Variants in ARID1B observed in about 807,000 individuals in gnomAD.
ARID1B encodes the protein AT-rich interactive domain-containing protein 1B.
In ARID1B, 30 loss-of-function variants were observed where a neutral mutation model predicts 212.3. That is an observed-to-expected ratio of 0.14 (90% CI 0.11 to 0.19). ARID1B has a LOEUF of 0.19. Among genes scored for constraint, ARID1B ranks in the 10% least tolerant of loss-of-function variants. The pLI is 1.00. For missense variants in ARID1B, 2,891 were observed against 3,204.0 expected (o/e 0.90, Z 2.36); for synonymous variants, 1,402 against 1,301.7 (o/e 1.08, Z -1.66).
intron 8 of ARID1B, among the ~76,000 whole-genome samples, chr6:157,159,607 GT>G (rs1160709815): frequency 1.3e-5 from 2 of 152,196 alleles, no homozygotes; most frequent in Non-Finnish European, 2.9e-5. Context: ...AGGGAAAAAC[GT>G]TTCTGATGTT....
At chr6:156,935,629 A>G in intron 4 of ARID1B, 53 bp downstream of exon 4, 1 of 1,450,570 alleles carries the variant, frequency 6.9e-7, no homozygotes, top group Non-Finnish European at 9.6e-7. Context: ...GACTTTTAGA[A>G]AGAGCTGTTG....
In ARID1B at chr6:157,206,972, G is replaced by A. The variant is rs917324402; in HGVS notation, c.6200G>A (p.Arg2067Gln). 9.9e-6 allele frequency: 16 copies of A among 1,614,120 alleles called. No individual in the cohort carries two copies. The highest frequency in any genetic ancestry group is 2.2e-5 in the East Asian group (1 of 44,892). Reference protein sequence around the residue: ...IAHWQDSLAKRCICVSNIVRS... With the variant: ...IAHWQDSLAKQCICVSNIVRS... Reference sequence around the variant, plus strand: ...CACTGGCAGGACTCGCTGGCTAAGCGATGCATCTGTGTGTCCAATATTGTC... The same window carrying A: ...CACTGGCAGGACTCGCTGGCTAAGCAATGCATCTGTGTGTCCAATATTGTC... The change falls in exon 20 of 20, where the codon CGA (arginine) becomes CAA (glutamine). Residue 2067 changes from arginine to glutamine, a missense_variant. Coordinates refer to ENST00000636930, the MANE Select transcript of ARID1B (RefSeq NM_001374828.1). This position sits in a 1 kb window ranked among gnomAD's most constrained non-coding sequence, Gnocchi z 6.8.
intron 4 of ARID1B, among the ~76,000 whole-genome samples, chr6:157,004,914 T>C (rs910758214): frequency 3.9e-4 from 46 of 119,092 alleles, no homozygotes; most frequent in South Asian, 2.8e-4. Flanking sequence ...TTTTTTTTTT[T>C]TTTTTTTTTT....
intron 15 of ARID1B, chr6:157,195,512 T>C (rs979635401): frequency 1.3e-5 from 2 of 152,234 alleles, no homozygotes; most frequent in African/African-American, 2.4e-5. Context: ...CTGTTTAAAC[T>C]CACAATCGGC....
chr6:156,818,730 C>T (rs1248566163), intron 1 of ARID1B, among the ~76,000 whole-genome samples: 2 of 152,094 alleles, frequency 1.3e-5, no homozygotes, highest in Non-Finnish European at 2.9e-5. Context: ...TTACTTTTTG[C>T]TTGTGCAAAT....
At chr6:156,828,343 C>T (rs985607864) in intron 1 of ARID1B, among the ~76,000 whole-genome samples, 5 of 152,110 alleles carry the variant, frequency 3.3e-5, no homozygotes, top group Admixed American at 6.5e-5. Context: ...TCAGTGTGAA[C>T]GCAGCATCTG....
chr6:157,177,150 T>A (rs1273446000), intron 11 of ARID1B, among the ~76,000 whole-genome samples: 1 of 152,248 alleles, frequency 6.6e-6, no homozygotes, highest in Non-Finnish European at 1.5e-5. Flanking sequence ...GATCTCTTCC[T>A]GTACCATAAA....
intron 1 of ARID1B, among the ~76,000 whole-genome samples, chr6:156,783,114 C>T (rs1005175938): frequency 1.3e-5 from 2 of 151,894 alleles, no homozygotes; most frequent in African/African-American, 4.8e-5. Flanking sequence ...ACCTTAACCC[C>T]TCTTTGCTTT....
chr6:156,815,194 A>G (rs1317241098), intron 1 of ARID1B, among the ~76,000 whole-genome samples: 1 of 152,200 alleles, frequency 6.6e-6, no homozygotes, highest in Non-Finnish European at 1.5e-5. Context: ...GTAGCATGCC[A>G]CTGTAAGATA....
At chr6:156,804,786 C>A (rs563307235) in intron 1 of ARID1B, among the ~76,000 whole-genome samples, 1 of 137,384 alleles carries the variant, frequency 7.3e-6, no homozygotes, top group East Asian at 2.3e-4. Context: ...ATCAACGTAT[C>A]ATGAAAAGAT....
intron 4 of ARID1B, among the ~76,000 whole-genome samples, chr6:157,075,555 G>A (rs1289150289): frequency 6.6e-6 from 1 of 152,174 alleles, no homozygotes; most frequent in Non-Finnish European, 1.5e-5. Flanking sequence ...AGTGTGGGCT[G>A]GACTTAGTGA....
chr6:157,152,844 G>A (rs1474189427), intron 8 of ARID1B, among the ~76,000 whole-genome samples: 1 of 152,176 alleles, frequency 6.6e-6, no homozygotes, highest in East Asian at 1.9e-4. Flanking sequence ...TTTCTCTTTG[G>A]GAGAGGAAGA....
chr6:157,063,848 C>T (rs1045093573), intron 4 of ARID1B, among the ~76,000 whole-genome samples: 7 of 152,190 alleles, frequency 4.6e-5, no homozygotes, highest in African/African-American at 1.7e-4. Context: ...ATCTGGTTCT[C>T]TGTTTTACAA....
intron 7 of ARID1B, 107 bp downstream of exon 7, chr6:157,133,314 ATCTGTT>A: frequency 7.9e-7 from 1 of 1,265,186 alleles, no homozygotes; most frequent in African/African-American, 1.5e-5. Context: ...AAGATCCATT[ATCTGTT>A]ACCTGACAGG....
chr6:156,952,630 T>C (rs1425325807), intron 4 of ARID1B, among the ~76,000 whole-genome samples: 1 of 152,208 alleles, frequency 6.6e-6, no homozygotes, highest in East Asian at 1.9e-4. Flanking sequence ...CCAGCCCTTG[T>C]TGGACTCCAC....
intron 2 of ARID1B, among the ~76,000 whole-genome samples, chr6:156,863,798 T>A (rs1040215964): frequency 2.0e-5 from 3 of 152,186 alleles, no homozygotes; most frequent in Non-Finnish European, 4.4e-5. Context: ...GAAAGATGAA[T>A]TCTTCCCTGT....
chr6:156,814,850 G>T (rs748133051), intron 1 of ARID1B, among the ~76,000 whole-genome samples: 1 of 151,908 alleles, frequency 6.6e-6, no homozygotes, highest in Non-Finnish European at 1.5e-5. Flanking sequence ...TTCATCCCTT[G>T]TTCTGTACTC....
At chr6:157,144,797 C>A (rs1789608344) in intron 7 of ARID1B, among the ~76,000 whole-genome samples, 1 of 152,004 alleles carries the variant, frequency 6.6e-6, no homozygotes, top group Non-Finnish European at 1.5e-5. Context: ...TATGTGTGTC[C>A]CGTGGGATGG....
chr6:156,902,322 C>T (rs977290252), intron 3 of ARID1B, among the ~76,000 whole-genome samples: 1 of 152,110 alleles, frequency 6.6e-6, no homozygotes, highest in South Asian at 2.1e-4. Context: ...TATAATTTTC[C>T]ATTTTAATAC....
Sources: gnomAD v4.1 joint callset for allele counts (sites outside exome capture counted in the v4.1 genomes callset) on GRCh38, gnomAD v4.1.1 for gene constraint, Gnocchi (gnomAD v3.1) non-coding constraint, MANE v1.5 for transcripts, NCBI Gene and HGNC (gene_info 2026-07-23, HGNC 2026-07-21) for gene names.